Variants in NEK7 observed in about 807,000 individuals in gnomAD.
The protein encoded by NEK7 is NIMA related kinase 7, also known as serine/threonine-protein kinase Nek7.
A neutral mutation model predicts 44.6 loss-of-function variants in NEK7; 18 were observed. The observed-to-expected ratio is 0.40, with a 90% confidence interval of 0.28 to 0.60. NEK7 has a LOEUF of 0.60. Ranked by LOEUF, NEK7 falls within the 20% of genes least tolerant of loss-of-function variation. NEK7 has a pLI of 0.38. For missense variants in NEK7, 256 were observed against 366.5 expected (o/e 0.70, Z 2.46); for synonymous variants, 130 against 121.1 (o/e 1.07, Z -0.48).
At chr1:198,316,465 C>T (rs943503604) in intron 9 of NEK7, among the ~76,000 whole-genome samples, 7 of 152,148 alleles carry the variant, frequency 4.6e-5, no homozygotes, top group East Asian at 1.9e-4. Flanking sequence ...CCTCCGTGTA[C>T]GAGGTGCAAC....
chr1:198,161,421 T>G (rs2102696179), intron 1 of NEK7, among the ~76,000 whole-genome samples: 1 of 152,340 alleles, frequency 6.6e-6, no homozygotes, highest in Non-Finnish European at 1.5e-5. Context: ...AAATAAAGCT[T>G]TATTTATACA....
intron 1 of NEK7, among the ~76,000 whole-genome samples, chr1:198,193,456 T>A (rs1665137129): frequency 6.6e-6 from 1 of 152,138 alleles, no homozygotes; most frequent in Non-Finnish European, 1.5e-5. Context: ...CTAACTTATT[T>A]TACGAGGCCA....
At chr1:198,173,324 G>A (rs1664506670) in intron 1 of NEK7, among the ~76,000 whole-genome samples, 1 of 151,980 alleles carries the variant, frequency 6.6e-6, no homozygotes, top group Non-Finnish European at 1.5e-5. Context: ...AGCTTCTTGG[G>A]AGGCTGAGCT....
intron 7 of NEK7, among the ~76,000 whole-genome samples, chr1:198,282,038 A>G (rs752116923): frequency 5.9e-5 from 9 of 152,026 alleles, no homozygotes; most frequent in Non-Finnish European, 1.2e-4. Flanking sequence ...GATCTTCAAA[A>G]CAGAAAAATA....
chr1:198,292,473 C>T (rs780267656), intron 7 of NEK7, among the ~76,000 whole-genome samples: 3 of 151,900 alleles, frequency 2.0e-5, no homozygotes, highest in Non-Finnish European at 2.9e-5. Flanking sequence ...TTAACAGCCA[C>T]GCTGTGTTCT....
chr1:198,167,336 G>T (rs1370670395), intron 1 of NEK7, among the ~76,000 whole-genome samples: 1 of 152,084 alleles, frequency 6.6e-6, no homozygotes, highest in Non-Finnish European at 1.5e-5. Flanking sequence ...ACTTAGAAAA[G>T]ATTTTCAAAT....
chr1:198,197,592 A>T (rs1410497420), intron 1 of NEK7, among the ~76,000 whole-genome samples: 1 of 151,988 alleles, frequency 6.6e-6, no homozygotes, highest in Non-Finnish European at 1.5e-5. Context: ...CAGCAAGAAG[A>T]TGGTCATGCC....
intron 1 of NEK7, among the ~76,000 whole-genome samples, chr1:198,175,881 T>C (rs915512122): frequency 2.6e-5 from 4 of 152,230 alleles, no homozygotes; most frequent in Admixed American, 6.5e-5. Flanking sequence ...TCTTGAGAAC[T>C]GTTCTTCCAG....
At chr1:198,317,195 G>A (rs1308808121) in intron 9 of NEK7, among the ~76,000 whole-genome samples, 1 of 152,130 alleles carries the variant, frequency 6.6e-6, no homozygotes, top group Non-Finnish European at 1.5e-5. Context: ...TCTGGAAAAG[G>A]AAACTCTTTA....
chr1:198,253,517 A>C (rs573190936), intron 3 of NEK7, among the ~76,000 whole-genome samples: 2 of 152,160 alleles, frequency 1.3e-5, no homozygotes, highest in African/African-American at 4.8e-5. Context: ...AGCTATAGGC[A>C]CTGTAGTCAG....
At chr1:198,171,617 T>A (rs1346417572) in intron 1 of NEK7, among the ~76,000 whole-genome samples, 3 of 151,548 alleles carry the variant, frequency 2.0e-5, no homozygotes, top group Admixed American at 6.6e-5. Flanking sequence ...AAGTGGAGGT[T>A]ACAGTGAGCT....
intron 6 of NEK7, among the ~76,000 whole-genome samples, chr1:198,278,683 T>G (rs551448850): frequency 5.9e-5 from 9 of 151,776 alleles, no homozygotes; most frequent in Non-Finnish European, 8.8e-5. Flanking sequence ...ATTTCACAGG[T>G]TTTTTGAAAA....
Position 198,275,256 on chromosome 1 carries a change from G to C in NEK7, c.373-2705G>C, listed in dbSNP as rs542480803. On this transcript the variant is annotated intron_variant, in intron 5 of 9. Coordinates refer to ENST00000367385, the MANE Select transcript of NEK7 (RefSeq NM_133494.3). ...TGTCCAAGTGATCAGGTATATCTGG[G>C]TGTTTATTTTTGCCTGCCCATAAAT... 1.3e-3 allele frequency among the ~76,000 whole-genome samples: 191 copies of C among 150,528 alleles called. 4 individuals are homozygous for C. The highest frequency in any genetic ancestry group is 0.011 in the South Asian group (52 of 4,802).
At chr1:198,319,220 C>G (rs1655465559) in intron 9 of NEK7, among the ~76,000 whole-genome samples, 192 bp from the exon 10 acceptor site, 2 of 152,160 alleles carry the variant, frequency 1.3e-5, no homozygotes, top group African/African-American at 4.8e-5. Flanking sequence ...CCATTCAATG[C>G]ACTTCATAGA....
At chr1:198,222,842 G>C (rs1450530061) in intron 1 of NEK7, among the ~76,000 whole-genome samples, 1 of 151,194 alleles carries the variant, frequency 6.6e-6, no homozygotes, top group East Asian at 1.9e-4. Flanking sequence ...TATAATTGCT[G>C]TGCAGAAACT....
intron 9 of NEK7, among the ~76,000 whole-genome samples, chr1:198,300,672 T>A (rs1469517241): frequency 6.6e-6 from 1 of 152,186 alleles, no homozygotes; most frequent in Non-Finnish European, 1.5e-5. Flanking sequence ...TATCTGTATA[T>A]CTCTAGGGCC....
chr1:198,190,514 T>C (rs1044283883), intron 1 of NEK7, among the ~76,000 whole-genome samples: 2 of 149,328 alleles, frequency 1.3e-5, no homozygotes, highest in Non-Finnish European at 3.0e-5. Flanking sequence ...CTAAATAAAA[T>C]TGAACAGAAT....
intron 1 of NEK7, among the ~76,000 whole-genome samples, chr1:198,210,710 T>TTATATGTCATTG (rs1159609127): frequency 6.0e-5 from 9 of 150,598 alleles, no homozygotes; most frequent in African/African-American, 2.2e-4. Flanking sequence ...ATCAACTGTA[T>TTATATGTCATTG]TATATGTCAT....
chr1:198,296,710 T>G (rs1481623517), intron 8 of NEK7, among the ~76,000 whole-genome samples: 1 of 152,214 alleles, frequency 6.6e-6, no homozygotes, highest in Non-Finnish European at 1.5e-5. Context: ...TATGCTAGAT[T>G]ATAATTCAGT....
Sources: allele counts gnomAD v4.1 joint callset (sites outside exome capture counted in the v4.1 genomes callset), GRCh38; gene constraint gnomAD v4.1.1; transcripts MANE v1.5; gene names NCBI Gene and HGNC (gene_info 2026-07-23, HGNC 2026-07-21).